DDX50: variants seen among roughly 807,000 people sequenced by gnomAD.
DDX50 encodes the protein DExD-box helicase 50.
In DDX50, 56 loss-of-function variants were observed where a neutral mutation model predicts 94.8. The observed-to-expected ratio is 0.59, with a 90% CI of 0.48 to 0.74. The LOEUF (loss-of-function observed/expected upper bound fraction) is 0.74. Ranked by LOEUF, DDX50 falls within the 30% of genes least tolerant of loss-of-function variation. The probability of loss-of-function intolerance (pLI) is 0.00; values close to 1 mark genes in which losing one functional copy is unlikely to be tolerated. For synonymous variants in DDX50, 264 were observed against 295.4 expected (o/e 0.89, Z 1.09); for missense variants, 713 against 881.2 (o/e 0.81, Z 2.42).
intron 13 of DDX50, 92 bp from the exon 14 acceptor site, chr10:68,943,121 A>T: frequency 1.8e-6 from 2 of 1,098,094 alleles, no homozygotes; most frequent in Non-Finnish European, 2.7e-6. Flanking sequence ...AAAATACATT[A>T]AGCAGCCACT....
In DDX50 at chr10:68,913,441, A is replaced by G; in HGVS notation, c.808A>G (p.Ile270Val). 2 of 1,614,172 alleles carry G rather than the reference A, an allele frequency of 1.2e-6. No homozygotes were observed. The highest frequency in any genetic ancestry group is 1.7e-6 in the Non-Finnish European group (2 of 1,180,024). ...IDILVGTPGR[I>V]KDHLQSGRLD... ...CATCTTGGTTGGAACACCTGGTCGT[A>G]TCAAAGACCATCTGCAGAGTGGCCG... Residue 270 changes from isoleucine (I) to valine (V), a missense_variant, in exon 6 of 15, where the codon ATC (isoleucine) becomes GTC (valine). By Grantham distance (29) the Ile-to-Val change is conservative (BLOSUM62 3). Transcript: ENST00000373585.
At chr10:68,927,813 T>G (rs1842130324) in intron 8 of DDX50, among the ~76,000 whole-genome samples, 1 of 152,198 alleles carries the variant, frequency 6.6e-6, no homozygotes, top group Non-Finnish European at 1.5e-5. Flanking sequence ...TATGCATGAA[T>G]TAAACATCTT....
chr10:68,904,944 G>A (rs1306933899), intron 1 of DDX50, among the ~76,000 whole-genome samples: 1 of 152,242 alleles, frequency 6.6e-6, no homozygotes, highest in Non-Finnish European at 1.5e-5. Context: ...TCTAAAAGTT[G>A]TGTAAGTTAT....
intron 8 of DDX50, among the ~76,000 whole-genome samples, chr10:68,923,839 C>T (rs1422000171): frequency 1.3e-5 from 2 of 150,940 alleles, no homozygotes; most frequent in African/African-American, 2.4e-5. Flanking sequence ...CCACCATACC[C>T]GGCCATATAT....
chr10:68,934,899 GAT>G lies in DDX50; in HGVS notation c.1505_1506del (p.Tyr502CysfsTer10), dbSNP rs1300533199. On this transcript the variant is annotated frameshift_variant, in exon 10 of 15. Transcript: ENST00000373585. LOFTEE classifies it high-confidence loss of function. This position sits in a 1 kb window ranked among gnomAD's most constrained non-coding sequence, Gnocchi z 4.0. Reference sequence around the variant, plus strand: ...CAACCAAGAGAAAGAGGTCAACTAAGATATGTGGAACAAAAAGCAGTAAGTAG... The same window carrying G: ...CAACCAAGAGAAAGAGGTCAACTAAGATGTGGAACAAAAAGCAGTAAGTAG... The G allele has an allele frequency of 6.2e-7, 1 of 1,612,436 alleles. No homozygotes were observed. The highest frequency in any genetic ancestry group is 8.5e-7 in the Non-Finnish European group (1 of 1,179,224).
rs1312214715 is a variant in DDX50 at position 68,911,354 on chromosome 10, G to C, written c.639+108G>C. On this transcript the variant is annotated intron_variant, in intron 4 of 14. Coordinates refer to ENST00000373585, the MANE Select transcript of DDX50 (RefSeq NM_024045.2). ...CCCCCAAAATAGAAAAGTTAGCGCTGTGGCATAAAACAAAAATATGTTGTT... is the reference window on the plus strand; with the variant it reads ...CCCCCAAAATAGAAAAGTTAGCGCTCTGGCATAAAACAAAAATATGTTGTT... 38 of 1,237,040 alleles carry C rather than the reference G, an allele frequency of 3.1e-5. No individual in the cohort carries two copies. The Middle Eastern group carries it at 8.6e-4, about 28-fold the overall frequency. 76.6% of individuals were successfully genotyped at this position (1,237,040 alleles called of 1,614,324 possible).
chr10:68,936,047 T>G lies in DDX50; in HGVS notation c.1563T>G (p.Asp521Glu), dbSNP rs1183387158. 6.2e-7 allele frequency: 1 copy of G among 1,610,492 alleles called. No homozygotes were observed. Among genetic ancestry groups the G allele is most frequent in the East Asian group, 2.2e-5 (1 of 44,682 alleles). Reference protein sequence around the residue: ...FKRVGVPSTMDLVKSKSMDAI... With the variant: ...FKRVGVPSTMELVKSKSMDAI... Reference sequence around the variant, plus strand: ...GTGTAGGTGTTCCTTCTACAATGGATTTAGTTAAATCTAAAAGCATGGATG... The same window carrying G: ...GTGTAGGTGTTCCTTCTACAATGGAGTTAGTTAAATCTAAAAGCATGGATG... The change falls in exon 11 of 15, where the codon GAT becomes GAG. Residue 521 changes from aspartate to glutamate, a missense_variant. Physicochemically the swap from Asp to Glu is conservative, Grantham distance 45 (BLOSUM62 2). Around this residue, in one of 2 missense-constraint regions of DDX50, gnomAD observed 428 missense variants for 602.3 expected, o/e 0.71. Coordinates refer to ENST00000373585, the MANE Select transcript of DDX50 (RefSeq NM_024045.2).
chr10:68,930,502 A>G (rs1242230702), intron 8 of DDX50, among the ~76,000 whole-genome samples: 1 of 152,024 alleles, frequency 6.6e-6, no homozygotes, highest in African/African-American at 2.4e-5. Context: ...CATCATTTCT[A>G]CTCCCTTGAG....
In DDX50 at chr10:68,911,097, C is replaced by T; in HGVS notation, c.490C>T (p.Gln164Ter). Residue 164 changes from glutamine to a stop codon, truncating the protein, a stop_gained, in exon 4 of 15, where the codon CAA (glutamine) becomes TAA (stop). Transcript: ENST00000373585. LOFTEE classifies it high-confidence loss of function. ...AGGGGTAACATATCTCTTTCCTATT[C>T]AAGTTAAGACCTTTGGTCCTGTATA... is the stretch of plus-strand genomic sequence containing the variant. ...GRGVTYLFPI[Q>*]VKTFGPVYEG... The T allele has an allele frequency of 6.4e-7, 1 of 1,563,456 alleles. No homozygotes were observed. The highest frequency in any genetic ancestry group is 8.6e-7 in the Non-Finnish European group (1 of 1,157,794).
In DDX50 at chr10:68,901,421, C is replaced by T; in HGVS notation, c.37C>T (p.Leu13=). Residue 13 remains leucine (L), a synonymous_variant, in exon 1 of 15, where the codon CTG becomes TTG. Coordinates refer to ENST00000373585, the MANE Select transcript of DDX50 (RefSeq NM_024045.2). ...GKLLWGDIME[L]EAPLEESESQ... ...ACTCCTCTGGGGGGACATTATGGAGCTGGAAGCACCCTTGGAGGAGTCCGA... is the reference window on the plus strand; with the variant it reads ...ACTCCTCTGGGGGGACATTATGGAGTTGGAAGCACCCTTGGAGGAGTCCGA... 6.3e-7 allele frequency: 1 copy of T among 1,574,892 alleles called. No individual in the cohort carries two copies. The highest frequency in any genetic ancestry group is 8.6e-7 in the Non-Finnish European group (1 of 1,160,858).
At chr10:68,911,033 G>T in intron 3 of DDX50, 35 bp from the exon 4 acceptor site, 2 of 1,380,664 alleles carry the variant, frequency 1.4e-6, no homozygotes, top group South Asian at 1.9e-5. Flanking sequence ...AATGCTAGTC[G>T]TAAAGAAGTA....
intron 2 of DDX50, among the ~76,000 whole-genome samples, chr10:68,908,637 C>CTTTTTT (rs1157178909): frequency 5.2e-5 from 5 of 95,752 alleles, no homozygotes; most frequent in Non-Finnish European, 8.2e-5. Context: ...TTAAAATTTC[C>CTTTTTT]TTTTTTTTTT....
rs1293221546 is a variant in DDX50, at chr10:68,934,544, G to T, written c.1401+184G>T. Among the ~76,000 whole-genome samples the T allele has an allele frequency of 6.6e-6, 1 of 152,022 alleles. No homozygotes were observed. Among genetic ancestry groups the T allele is most frequent in the Non-Finnish European group, 1.5e-5 (1 of 68,004 alleles). ...TTGCAGATGATTAACTCTATTGTTT[G>T]TATTTGAAGCATGGAGCAACAAAAT... is the stretch of plus-strand genomic sequence containing the variant. On this transcript the variant is annotated intron_variant, in intron 9 of 14. Transcript: ENST00000373585. The surrounding 1 kb of genome is among the most constrained non-coding windows in gnomAD (Gnocchi z 4.0).
At chr10:68,946,267 T>C (rs1842668577) in intron 14 of DDX50, 85 bp from the exon 15 acceptor site, 2 of 1,463,756 alleles carry the variant, frequency 1.4e-6, no homozygotes, top group African/African-American at 1.4e-5. Context: ...CTAATAGATA[T>C]GAAAAAGGTG....
rs372215909 is a variant in DDX50, at chr10:68,946,563, A to G, written c.2147A>G (p.Asp716Gly). Residue 716 changes from aspartate (D) to glycine (G), a missense_variant, in exon 15 of 15, where the codon GAT becomes GGT. By Grantham distance (94) the Asp-to-Gly change is moderately conservative. This residue lies in a region of DDX50 where 428 missense variants were observed against 602.3 expected (regional missense o/e 0.71). Coordinates refer to ENST00000373585, the MANE Select transcript of DDX50 (RefSeq NM_024045.2). The stretch of plus-strand genomic sequence containing the variant: ...GGAAGTCGCTCAGGAAGTCGACAAG[A>G]TGGTAGAAGACGAAGTGGGAATAGA... ...RQGSRSGSRQ[D>G]GRRRSGNRNR... The G allele has an allele frequency of 3.7e-6, 6 of 1,614,212 alleles. No homozygotes were observed. The highest frequency in any genetic ancestry group is 2.2e-5 in the East Asian group (1 of 44,886).
chr10:68,923,936 G>A (rs1001643660), intron 8 of DDX50, among the ~76,000 whole-genome samples: 12 of 95,624 alleles, frequency 1.3e-4, no homozygotes, highest in African/African-American at 4.4e-4. Context: ...GAGATAGTCT[G>A]CTTTTTTTTT....
chr10:68,901,960 A>G (rs1424502961), intron 1 of DDX50, among the ~76,000 whole-genome samples: 1 of 152,202 alleles, frequency 6.6e-6, no homozygotes, highest in Non-Finnish European at 1.5e-5. Context: ...GAAAAGTGTC[A>G]CTGAGACTTG....
chr10:68,930,105 T>C (rs1485574055), intron 8 of DDX50, among the ~76,000 whole-genome samples: 1 of 142,254 alleles, frequency 7.0e-6, no homozygotes, highest in Non-Finnish European at 1.5e-5. Flanking sequence ...CCTTCCTTTC[T>C]TTCCTTTCCT....
intron 7 of DDX50, among the ~76,000 whole-genome samples, chr10:68,915,288 CT>C (rs1383549398): frequency 6.6e-6 from 1 of 151,514 alleles, no homozygotes. Context: ...TGGCGGGCGC[CT>C]GTAGTTCCAG....
Sources: gnomAD v4.1 joint callset for allele counts (sites outside exome capture counted in the v4.1 genomes callset) on GRCh38, gnomAD v4.1.1 for gene constraint, gnomAD v4.1.1 regional missense constraint, Gnocchi (gnomAD v3.1) non-coding constraint, MANE v1.5 for transcripts, NCBI Gene and HGNC (gene_info 2026-07-23, HGNC 2026-07-21) for gene names.